PSMD5: variants seen among roughly 807,000 people sequenced by gnomAD.
The protein encoded by PSMD5 is 26S proteasome non-ATPase regulatory subunit 5.
PSMD5 carries 40 observed loss-of-function variants against 52.1 expected under a neutral mutation model. The observed-to-expected ratio is 0.77, with a 90% CI of 0.60 to 1.00. The LOEUF (loss-of-function observed/expected upper bound fraction) is 1.00, where lower values mean the gene tolerates loss of function less well. PSMD5 is among the 50% of genes least tolerant of loss of function. The probability of loss-of-function intolerance (pLI) is 0.00; values close to 1 mark genes in which losing one functional copy is unlikely to be tolerated. For synonymous variants in PSMD5, 211 were observed against 226.6 expected (o/e 0.93, Z 0.62); for missense variants, 575 against 605.2 (o/e 0.95, Z 0.52).
chr9:120,830,400 A>T (rs1248080580), intron 4 of PSMD5, among the ~76,000 whole-genome samples: 1 of 152,212 alleles, frequency 6.6e-6, no homozygotes, highest in Non-Finnish European at 1.5e-5. Context: ...TACATCTGAG[A>T]GGCATCATCA....
chr9:120,836,334 TTTTAA>T (rs1256731300), intron 1 of PSMD5, among the ~76,000 whole-genome samples: 3 of 152,164 alleles, frequency 2.0e-5, no homozygotes, highest in Non-Finnish European at 4.4e-5. Context: ...CTCACTGTAA[TTTTAA>T]TTTGTATTTC....
chr9:120,823,213 T>C (rs1043623113), intron 7 of PSMD5, among the ~76,000 whole-genome samples: 1 of 151,268 alleles, frequency 6.6e-6, no homozygotes, highest in Non-Finnish European at 1.5e-5. Context: ...TTTCTTTCTT[T>C]CTTTTTTTTT....
At chr9:120,841,534 G>T (rs1025964823) in intron 1 of PSMD5, among the ~76,000 whole-genome samples, 1 of 152,090 alleles carries the variant, frequency 6.6e-6, no homozygotes, top group Non-Finnish European at 1.5e-5. Flanking sequence ...AGCCGAGATC[G>T]CGCCACTGCA....
Position 120,833,975 on chromosome 9 carries a change from C to CTT in PSMD5, c.174-521_174-520dup, listed in dbSNP as rs34657179. ...ACAGGCTTGGGCCACCGCACCTGGC[C>CTT]TTTTTTTTTTTTTTTTTTTTTTGAG... is the stretch of plus-strand genomic sequence containing the variant. On this transcript the variant is annotated intron_variant, in intron 1 of 9. Transcript: ENST00000210313. Among the ~76,000 whole-genome samples, 536 of 80,276 alleles carry CTT rather than the reference C, an allele frequency of 6.7e-3. 4 individuals carry two copies. The highest frequency in any genetic ancestry group is 0.015 in the Middle Eastern group (1 of 68). 52.7% of individuals were successfully genotyped at this position (80,276 alleles called of 152,430 possible).
chr9:120,838,762 G>A (rs2045215007), intron 1 of PSMD5, among the ~76,000 whole-genome samples: 1 of 152,198 alleles, frequency 6.6e-6, no homozygotes, highest in Non-Finnish European at 1.5e-5. Flanking sequence ...CTTGCGGTAT[G>A]ACCTCTGGAA....
chr9:120,823,216 T>TTC (rs1381399915), intron 7 of PSMD5, among the ~76,000 whole-genome samples: 4 of 146,202 alleles, frequency 2.7e-5, no homozygotes, highest in African/African-American at 9.9e-5. Context: ...CTTTCTTTCT[T>TTC]TTTTTTTTTT....
intron 4 of PSMD5, 60 bp downstream of exon 4, chr9:120,831,271 C>T: frequency 1.3e-6 from 2 of 1,492,716 alleles, no homozygotes; most frequent in East Asian, 2.4e-5. Flanking sequence ...TCTTGCTTTT[C>T]AGCATAAGCC....
chr9:120,834,257 G>T lies in PSMD5; in HGVS notation c.174-801C>A, dbSNP rs907958132. ...AGCCTCCCAAAGTGCTGGGATTACA[G>T]GTGTGAGACACCGTGCCTGGCCCGA... On this transcript the variant is annotated intron_variant, in intron 1 of 9. Coordinates refer to ENST00000210313, the MANE Select transcript of PSMD5 (RefSeq NM_005047.4). Among the ~76,000 whole-genome samples the T allele has an allele frequency of 2.0e-5, 3 of 152,078 alleles. No individual in the cohort carries two copies. In the South Asian group the frequency reaches 6.2e-4, roughly 31 times the overall value.
At chr9:120,832,028 C>A in intron 2 of PSMD5, 83 bp from the exon 3 acceptor site, 1 of 1,525,520 alleles carries the variant, frequency 6.6e-7, no homozygotes, top group Non-Finnish European at 8.7e-7. Flanking sequence ...CCTTAGTGCA[C>A]AGTTATTTTA....
intron 1 of PSMD5, chr9:120,842,475 C>A (rs2131442676): frequency 1.9e-6 from 1 of 539,490 alleles, no homozygotes; most frequent in Non-Finnish European, 3.3e-6. Context: ...CCTTTAATTT[C>A]TATTTGATGA....
At chr9:120,823,323 C>T (rs1259603020) in intron 7 of PSMD5, among the ~76,000 whole-genome samples, 3 of 150,876 alleles carry the variant, frequency 2.0e-5, no homozygotes, top group African/African-American at 7.3e-5. Context: ...ATTCTCCTGC[C>T]TCAGCCTCCC....
chr9:120,832,061 T>G (rs1443336839), intron 2 of PSMD5, 116 bp from the exon 3 acceptor site: 1 of 1,435,126 alleles, frequency 7.0e-7, no homozygotes, highest in Non-Finnish European at 9.2e-7. Context: ...CACAGCTATA[T>G]ATCAATTCAT....
chr9:120,826,756 G>C lies in PSMD5; in HGVS notation c.814+9C>G, dbSNP rs1045620124. 4 of 1,612,796 alleles carry C rather than the reference G, an allele frequency of 2.5e-6. No individual in the cohort carries two copies. Among genetic ancestry groups the C allele is most frequent in the African/African-American group, 1.3e-5 (1 of 74,906 alleles). The stretch of plus-strand genomic sequence containing the variant: ...CACCATCATTTCCATAGGCATCAGT[G>C]TTCCTTACCTGGCAGATAGAAGCTA... On this transcript the variant is annotated intron_variant, in intron 6 of 9. Coordinates refer to ENST00000210313, the MANE Select transcript of PSMD5 (RefSeq NM_005047.4).
chr9:120,831,860 C>T lies in PSMD5; in HGVS notation c.404G>A (p.Gly135Asp), dbSNP rs777746027. Residue 135 changes from glycine to aspartate, a missense_variant, in exon 3 of 10, where the codon GGT (glycine) becomes GAT (aspartate). Transcript: ENST00000210313. ...TTTTGCTACAGATAGATTCTCTCCA[C>T]CAATGCAATAAACAATTTGTTTTAG... ...ELLKQIVYCI[G>D]GENLSVAKAA... 11 of 1,613,240 alleles carry T rather than the reference C, an allele frequency of 6.8e-6. No individual in the cohort carries two copies. Among genetic ancestry groups the T allele is most frequent in the Admixed American group, 1.7e-5 (1 of 59,968 alleles).
At position 120,817,968 on chromosome 9, in the gene PSMD5, G is replaced by C; in HGVS notation, c.1453C>G (p.Leu485Val). The C allele has an allele frequency of 6.2e-7, 1 of 1,614,190 alleles. No individual in the cohort carries two copies. Among genetic ancestry groups the C allele is most frequent in the Non-Finnish European group, 8.5e-7 (1 of 1,180,032 alleles). The change falls in exon 10 of 10, where the codon CTG (leucine) becomes GTG (valine). Residue 485 changes from leucine to valine, a missense_variant. Leu to Val is a conservative substitution (Grantham distance 32). Coordinates refer to ENST00000210313, the MANE Select transcript of PSMD5 (RefSeq NM_005047.4). ...NPNYLRLRTY[L>V]SEGPYYVKPV... The stretch of plus-strand genomic sequence containing the variant: ...TTCACATAGTATGGCCCTTCACTCA[G>C]GTAAGTTCTGAGCCTCAAATAATTT...
At chr9:120,838,291 TA>T (rs1013448020) in intron 1 of PSMD5, among the ~76,000 whole-genome samples, 6 of 152,078 alleles carry the variant, frequency 3.9e-5, no homozygotes, top group Non-Finnish European at 7.4e-5. Context: ...GAAAGCTGTT[TA>T]AAAAAAAGTA....
intron 6 of PSMD5, among the ~76,000 whole-genome samples, chr9:120,825,445 C>T (rs1174163462): frequency 3.3e-5 from 5 of 152,078 alleles, no homozygotes; most frequent in South Asian, 2.1e-4. Context: ...TTTCTGCTTT[C>T]GTGAAAAATG....
intron 9 of PSMD5, among the ~76,000 whole-genome samples, chr9:120,819,425 A>G (rs2045067456): frequency 1.3e-5 from 2 of 152,242 alleles, no homozygotes; most frequent in African/African-American, 4.8e-5. Flanking sequence ...GGAACCAGCT[A>G]AGCACAGGAT....
chr9:120,833,068 A>G (rs1564477341), intron 2 of PSMD5, among the ~76,000 whole-genome samples: 4 of 152,260 alleles, frequency 2.6e-5, no homozygotes, highest in Non-Finnish European at 5.9e-5. Context: ...GTATCTGATT[A>G]ATGAATGATT....
Sources: gnomAD v4.1 joint callset for allele counts (sites outside exome capture counted in the v4.1 genomes callset) on GRCh38, gnomAD v4.1.1 for gene constraint, MANE v1.5 for transcripts, NCBI Gene and HGNC (gene_info 2026-07-23, HGNC 2026-07-21) for gene names.